IFT122: variants seen among roughly 807,000 people sequenced by gnomAD.
The protein encoded by IFT122 is intraflagellar transport protein 122 homolog.
A neutral mutation model predicts 161.6 loss-of-function variants in IFT122; 118 were observed. That is an observed-to-expected ratio of 0.73 (90% CI 0.63 to 0.85). The LOEUF (loss-of-function observed/expected upper bound fraction) is 0.85. Ranked by LOEUF, IFT122 falls within the 40% of genes least tolerant of loss-of-function variation. IFT122 has a pLI of 0.00. For synonymous variants in IFT122, 550 were observed against 602.4 expected, an observed-to-expected ratio of 0.91 and a Z score of 1.27; for missense variants, 1,381 against 1,579.6, an observed-to-expected ratio of 0.87 and a Z score of 2.13.
At chr3:129,473,089 C>A (rs775052603) in intron 9 of IFT122, among the ~76,000 whole-genome samples, 2 of 152,094 alleles carry the variant, frequency 1.3e-5, no homozygotes, top group Non-Finnish European at 2.9e-5. Context: ...TTGCTTGAGG[C>A]CAGGAGTTCA....
At chr3:129,485,820 C>T (rs1482346531) in intron 15 of IFT122, among the ~76,000 whole-genome samples, 5 of 152,248 alleles carry the variant, frequency 3.3e-5, no homozygotes, top group African/African-American at 9.6e-5. Context: ...GCTGACGCAG[C>T]GGGTCAGGAC....
intron 3 of IFT122, among the ~76,000 whole-genome samples, chr3:129,457,453 G>A (rs1333585466): frequency 6.6e-6 from 1 of 152,076 alleles, no homozygotes; most frequent in Non-Finnish European, 1.5e-5. Flanking sequence ...CCTCAGACAT[G>A]CCAGGCTTTT....
At chr3:129,453,330 T>G (rs2075078942) in intron 3 of IFT122, among the ~76,000 whole-genome samples, 1 of 150,834 alleles carries the variant, frequency 6.6e-6, no homozygotes, top group Non-Finnish European at 1.5e-5. Flanking sequence ...CAACTGAGAG[T>G]GGCAATGGGG....
chr3:129,481,763 C>T, intron 14 of IFT122, 69 bp downstream of exon 14: 1 of 1,535,156 alleles, frequency 6.5e-7, no homozygotes, highest in Non-Finnish European at 9.0e-7. Context: ...TTCCCAGTCC[C>T]TGCAGGAGGC....
chr3:129,440,857 G>T (rs1352958146), intron 1 of IFT122, among the ~76,000 whole-genome samples: 4 of 152,162 alleles, frequency 2.6e-5, no homozygotes, highest in African/African-American at 9.7e-5. Flanking sequence ...AATCAGCGTC[G>T]CTTGCTCTAA....
chr3:129,497,672 T>C (rs2081040564), intron 18 of IFT122, among the ~76,000 whole-genome samples: 1 of 152,186 alleles, frequency 6.6e-6, no homozygotes, highest in Non-Finnish European at 1.5e-5. Flanking sequence ...GTAAATACTC[T>C]GGGACTTGTT....
intron 8 of IFT122, among the ~76,000 whole-genome samples, chr3:129,468,033 G>T (rs1167553490): frequency 6.6e-6 from 1 of 152,266 alleles, no homozygotes; most frequent in African/African-American, 2.4e-5. Context: ...CCCCAAGAGG[G>T]CTCACTGGTG....
intron 11 of IFT122, among the ~76,000 whole-genome samples, chr3:129,477,465 A>C (rs1314377791): frequency 6.6e-6 from 1 of 152,232 alleles, no homozygotes; most frequent in Non-Finnish European, 1.5e-5. Context: ...TGTCTTGTAG[A>C]TTCAGATGAG....
chr3:129,461,050 A>G (rs1559868810), intron 4 of IFT122, 178 bp from the exon 5 acceptor site: 1 of 1,003,960 alleles, frequency 1.0e-6, no homozygotes, highest in East Asian at 2.5e-5. Flanking sequence ...GGGTGAGGAG[A>G]AGGAGAATTA....
intron 1 of IFT122, among the ~76,000 whole-genome samples, chr3:129,448,866 T>A (rs2074384661): frequency 6.6e-6 from 1 of 151,938 alleles, no homozygotes; most frequent in Non-Finnish European, 1.5e-5. Context: ...GCCCAGCTAA[T>A]TTTTGTATTT....
rs555602838 is a variant in IFT122, at chr3:129,495,372, A to G, written c.2047-74A>G. On this transcript the variant is annotated intron_variant, in intron 17 of 29. Transcript: ENST00000348417. ...CCCAGGGGCCTCACTTGAAATAGCC[A>G]CATCTAACCTTTGTAAAGGCTGCTT... is the stretch of plus-strand genomic sequence containing the variant. 1.3e-4 allele frequency: 201 copies of G among 1,581,118 alleles called. No individual in the cohort carries two copies. The East Asian group carries it at 2.2e-3, about 17-fold the overall frequency.
chr3:129,507,518 A>G (rs952133028), intron 22 of IFT122, 150 bp from the exon 23 acceptor site: 11 of 730,358 alleles, frequency 1.5e-5, no homozygotes, highest in African/African-American at 1.2e-4. Flanking sequence ...TCCCCTCACT[A>G]CACTTTGTCC....
In IFT122 at chr3:129,476,482, A is replaced by G. The variant is rs1484544297; in HGVS notation, c.984A>G (p.Gln328=). ...AGAACTCCTGGGTGTGGACGTGTCA[A>G]GCGAAACCGGATTCCAACTATGTGG... ...GEQNSWVWTC[Q]AKPDSNYVVV... The change falls in exon 10 of 30, where the codon CAA becomes CAG. Residue 328 remains glutamine (Q), a synonymous_variant. Coordinates refer to ENST00000348417, the MANE Select transcript of IFT122 (RefSeq NM_052989.3). The G allele has an allele frequency of 1.9e-6, 3 of 1,614,014 alleles. No homozygotes were observed. The highest frequency in any genetic ancestry group is 4.5e-5 in the East Asian group (2 of 44,900).
intron 18 of IFT122, among the ~76,000 whole-genome samples, chr3:129,496,340 C>T (rs2080839232): frequency 1.3e-5 from 2 of 152,116 alleles, no homozygotes. Flanking sequence ...AAGACATTTG[C>T]AGTTCAGTCT....
chr3:129,448,865 AT>A (rs1249449841), intron 1 of IFT122, among the ~76,000 whole-genome samples: 1 of 151,638 alleles, frequency 6.6e-6, no homozygotes, highest in Non-Finnish European at 1.5e-5. Context: ...TGCCCAGCTA[AT>A]TTTTGTATTT....
At chr3:129,451,459 AGC>A (rs1307130632) in intron 2 of IFT122, among the ~76,000 whole-genome samples, 2 of 152,074 alleles carry the variant, frequency 1.3e-5, no homozygotes, top group Non-Finnish European at 2.9e-5. Context: ...CCTACTTGAA[AGC>A]CCAGAGTTCT....
intron 23 of IFT122, among the ~76,000 whole-genome samples, chr3:129,508,395 A>G (rs34574289): frequency 0.23 from 35,601 of 152,136 alleles, 5,312 homozygotes; most frequent in Middle Eastern, 0.37. Context: ...CTAGTAGGCA[A>G]TGTACTGAGG....
chr3:129,517,268 G>GCGCGCGCGCGCGCGCGCACACA (rs1553776447), intron 26 of IFT122, among the ~76,000 whole-genome samples: 25 of 117,116 alleles, frequency 2.1e-4, no homozygotes, highest in African/African-American at 7.7e-4. Flanking sequence ...CATTGCTCCT[G>GCGCGCGCGCGCGCGCGCACACA]CACACACACA....
intron 23 of IFT122, 62 bp from the exon 24 acceptor site, chr3:129,512,250 T>G (rs936901725): frequency 3.5e-6 from 4 of 1,146,142 alleles, no homozygotes; most frequent in Non-Finnish European, 5.3e-6. Context: ...GTCTGCCTTT[T>G]GGCCTGGCCC....
Sources: allele counts gnomAD v4.1 joint callset (sites outside exome capture counted in the v4.1 genomes callset), GRCh38; gene constraint gnomAD v4.1.1; transcripts MANE v1.5; gene names NCBI Gene and HGNC (gene_info 2026-07-23, HGNC 2026-07-21).